The following GRIN2B variants were observed in gnomAD, a reference collection of about 807,000 sequenced individuals.
GRIN2B encodes glutamate ionotropic receptor NMDA type subunit 2B.
A neutral mutation model predicts 114.5 loss-of-function variants in GRIN2B; 5 were observed. The observed-to-expected ratio is 0.04, with a 90% CI of 0.02 to 0.09. GRIN2B has a LOEUF of 0.09. Ranked by LOEUF, GRIN2B falls within the 10% of genes least tolerant of loss-of-function variation. The pLI is 1.00. For synonymous variants in GRIN2B, 787 were observed against 745.1 expected (o/e 1.06, Z -0.92); for missense variants, 1,108 against 1,943.5 (o/e 0.57, Z 8.08).
chr12:13,669,083 T>C (rs1950001592), intron 5 of GRIN2B, among the ~76,000 whole-genome samples: 1 of 151,872 alleles, frequency 6.6e-6, no homozygotes, highest in Non-Finnish European at 1.5e-5. Context: ...TGCACGGGAC[T>C]GTACATTACA....
intron 2 of GRIN2B, among the ~76,000 whole-genome samples, chr12:13,959,742 A>G (rs1208048125): frequency 6.8e-6 from 1 of 147,812 alleles, no homozygotes; most frequent in Non-Finnish European, 1.5e-5. Context: ...GGAGAGGAAC[A>G]GTGGGTTTCT....
intron 3 of GRIN2B, among the ~76,000 whole-genome samples, chr12:13,833,644 A>C (rs1865193708): frequency 6.6e-6 from 1 of 152,156 alleles, no homozygotes; most frequent in Non-Finnish European, 1.5e-5. Flanking sequence ...AACTTTTAAC[A>C]AACAGCAGGT....
At chr12:13,969,509 G>C (rs1204355834) in intron 2 of GRIN2B, among the ~76,000 whole-genome samples, 1 of 152,154 alleles carries the variant, frequency 6.6e-6, no homozygotes, top group African/African-American at 2.4e-5. Flanking sequence ...ATATAATCTA[G>C]AAGATAATTG....
chr12:13,610,965 C>G (rs1949359022), intron 9 of GRIN2B, among the ~76,000 whole-genome samples: 1 of 152,162 alleles, frequency 6.6e-6, no homozygotes, highest in Non-Finnish European at 1.5e-5. Flanking sequence ...ATGGAGAAGA[C>G]TCAGAGAAGG....
chr12:13,660,608 T>C (rs1396477379), intron 5 of GRIN2B, among the ~76,000 whole-genome samples: 1 of 152,202 alleles, frequency 6.6e-6, no homozygotes, highest in African/African-American at 2.4e-5. Context: ...TAGAGCTTTG[T>C]GGAGTAGAAA....
chr12:13,886,286 T>G (rs1056633601), intron 2 of GRIN2B, among the ~76,000 whole-genome samples: 7 of 152,184 alleles, frequency 4.6e-5, no homozygotes, highest in Non-Finnish European at 1.0e-4. Context: ...GTTCATATAG[T>G]TCATACAGAA....
chr12:13,675,704 C>T lies in GRIN2B; in HGVS notation c.1125+41G>A, dbSNP rs749745571. ...CATTGTGTTGCAAAATTTCACATTT[C>T]TACTCTACTTTGCTCAAGAATTGTC... On this transcript the variant is annotated intron_variant, in intron 5 of 13. Transcript: ENST00000609686. The T allele has an allele frequency of 4.1e-6, 5 of 1,233,896 alleles. No individual in the cohort carries two copies. In the Admixed American group the frequency reaches 8.4e-5, roughly 21 times the overall value. The allele number at this position is 1,233,896 out of a possible 1,614,324, so 76.4% of individuals were successfully genotyped here.
At chr12:13,852,710 A>C (rs76639680) in intron 3 of GRIN2B, among the ~76,000 whole-genome samples, 1 of 150,940 alleles carries the variant, frequency 6.6e-6, no homozygotes, top group Non-Finnish European at 1.5e-5. Flanking sequence ...AAAAAAAAAA[A>C]CAGATCACAG....
intron 4 of GRIN2B, among the ~76,000 whole-genome samples, chr12:13,704,794 C>G (rs955511741): frequency 1.3e-5 from 2 of 152,168 alleles, no homozygotes; most frequent in African/African-American, 4.8e-5. Flanking sequence ...AGTCCTTTGC[C>G]TGAGGCATTG....
intron 3 of GRIN2B, among the ~76,000 whole-genome samples, chr12:13,788,497 C>T (rs1196346715): frequency 6.6e-6 from 1 of 152,164 alleles, no homozygotes; most frequent in African/African-American, 2.4e-5. Context: ...AATGCTTGCT[C>T]ACAAGAGAGC....
rs199677214 is a variant in GRIN2B at position 13,564,458 on chromosome 12, C to T, written c.2780G>A (p.Arg927Gln). Residue 927 changes from arginine to glutamine, a missense_variant, in exon 14 of 14, where the codon CGG becomes CAG. Coordinates refer to ENST00000609686, the MANE Select transcript of GRIN2B (RefSeq NM_000834.5). The surrounding 1 kb of genome is among the most constrained non-coding windows in gnomAD (Gnocchi z 4.8). ...SPQSALDFIR[R>Q]ESSVYDISEH... ...TGAGATGTCATAGACGGATGACTCC[C>T]GTCGGATGAAGTCCAGGGCGCTCTG... 4 of 1,614,188 alleles carry T rather than the reference C, an allele frequency of 2.5e-6. No individual in the cohort carries two copies. In the African/African-American group the frequency reaches 4.0e-5, roughly 16 times the overall value.
At position 13,608,521 on chromosome 12, in the gene GRIN2B, G is replaced by C. The variant is rs1411821167; in HGVS notation, c.2010+82C>G. The C allele has an allele frequency of 2.4e-5, 24 of 1,006,704 alleles. No individual in the cohort carries two copies. The East Asian group carries it at 6.0e-4, about 25-fold the overall frequency. 62.4% of individuals were successfully genotyped at this position (1,006,704 alleles called of 1,614,324 possible). On this transcript the variant is annotated intron_variant, in intron 10 of 13. Coordinates refer to ENST00000609686, the MANE Select transcript of GRIN2B (RefSeq NM_000834.5). ...AACGGTCAATTCCAAAAATTTAGAAGACAAGCAGGTACATGAGAACTTTGA... is the reference window on the plus strand; with the variant it reads ...AACGGTCAATTCCAAAAATTTAGAACACAAGCAGGTACATGAGAACTTTGA...
intron 3 of GRIN2B, among the ~76,000 whole-genome samples, chr12:13,827,825 G>T (rs1375917380): frequency 1.3e-5 from 2 of 152,046 alleles, no homozygotes; most frequent in Non-Finnish European, 2.9e-5. Flanking sequence ...GGAACTACAG[G>T]CGCATGCCAC....
At chr12:13,617,660 T>C (rs1184769867) in intron 5 of GRIN2B, among the ~76,000 whole-genome samples, 1 of 152,248 alleles carries the variant, frequency 6.6e-6, no homozygotes, top group Admixed American at 6.5e-5. Context: ...TAAGGAATTA[T>C]GGATTGCAAG....
At chr12:13,767,135 C>G (rs1027896316) in intron 3 of GRIN2B, among the ~76,000 whole-genome samples, 3 of 151,960 alleles carry the variant, frequency 2.0e-5, no homozygotes. Flanking sequence ...TGGCGGGCGC[C>G]TGTAGTACCA....
At chr12:13,764,634 T>G (rs1029939552) in intron 3 of GRIN2B, among the ~76,000 whole-genome samples, 1 of 152,166 alleles carries the variant, frequency 6.6e-6, no homozygotes, top group Non-Finnish European at 1.5e-5. Flanking sequence ...AATAAGAACT[T>G]GGCAAGTAAA....
chr12:13,708,290 T>C (rs1295387504), intron 4 of GRIN2B, among the ~76,000 whole-genome samples: 1 of 152,108 alleles, frequency 6.6e-6, no homozygotes, highest in African/African-American at 2.4e-5. Context: ...AAAACAACTT[T>C]GTGGGAGTAG....
At chr12:13,590,132 C>CT (rs1948986454) in intron 10 of GRIN2B, among the ~76,000 whole-genome samples, 1 of 152,036 alleles carries the variant, frequency 6.6e-6, no homozygotes, top group Non-Finnish European at 1.5e-5. Context: ...ATTAGGTTTA[C>CT]TTTTTCTGAG....
At chr12:13,804,772 G>A (rs944856908) in intron 3 of GRIN2B, among the ~76,000 whole-genome samples, 1 of 152,124 alleles carries the variant, frequency 6.6e-6, no homozygotes, top group African/African-American at 2.4e-5. Context: ...AGGTCTAGAA[G>A]AGTGTCTTGT....
Sources: allele counts gnomAD v4.1 joint callset (sites outside exome capture counted in the v4.1 genomes callset), GRCh38; gene constraint gnomAD v4.1.1; non-coding constraint Gnocchi (gnomAD v3.1); transcripts MANE v1.5; gene names NCBI Gene and HGNC (gene_info 2026-07-23, HGNC 2026-07-21).